Variants in JPH1 observed in about 807,000 individuals in gnomAD.
The protein encoded by JPH1 is junctophilin-1.
JPH1 carries 12 observed loss-of-function variants against 53.6 expected under a neutral mutation model. The observed-to-expected ratio is 0.22, with a 90% CI of 0.14 to 0.36. The LOEUF is 0.36. Among genes scored for constraint, JPH1 ranks in the 10% least tolerant of loss-of-function variants. JPH1 has a pLI of 1.00. For synonymous variants in JPH1, 375 were observed against 363.8 expected (o/e 1.03, Z -0.35); for missense variants, 808 against 905.5 (o/e 0.89, Z 1.38).
chr8:74,290,688 A>G (rs2131431840), intron 2 of JPH1, among the ~76,000 whole-genome samples: 1 of 152,346 alleles, frequency 6.6e-6, no homozygotes, highest in Non-Finnish European at 1.5e-5. Flanking sequence ...TCCTAAACCA[A>G]AAGAACAAAG....
At chr8:74,290,137 A>C (rs1807280894) in intron 2 of JPH1, among the ~76,000 whole-genome samples, 1 of 152,222 alleles carries the variant, frequency 6.6e-6, no homozygotes, top group Non-Finnish European at 1.5e-5. Flanking sequence ...GAGTGTTGGA[A>C]GTTCTGGCCA....
intron 2 of JPH1, among the ~76,000 whole-genome samples, chr8:74,265,303 T>C (rs1475950262): frequency 6.6e-6 from 1 of 152,164 alleles, no homozygotes; most frequent in Non-Finnish European, 1.5e-5. Context: ...CACCAGAACA[T>C]TTTTTAAGCT....
chr8:74,262,991 G>A (rs1222395039), intron 2 of JPH1, among the ~76,000 whole-genome samples: 1 of 152,180 alleles, frequency 6.6e-6, no homozygotes, highest in East Asian at 1.9e-4. Context: ...CTGAAATAGT[G>A]TTTTATGAGC....
rs1022653012 is a variant in JPH1 at position 74,265,533 on chromosome 8, T to G, written c.1140-6030A>C. Among the ~76,000 whole-genome samples the G allele has an allele frequency of 2.0e-5, 3 of 152,200 alleles. No homozygotes were observed. In the East Asian group the frequency reaches 5.8e-4, roughly 29 times the overall value. On this transcript the variant is annotated intron_variant, in intron 2 of 5. Transcript: ENST00000342232. ...TTACCTTCTCATGTTATTTATGGGT[T>G]GAGAAAAATCTGATGTAGAAATATT... is the stretch of plus-strand genomic sequence containing the variant.
intron 2 of JPH1, among the ~76,000 whole-genome samples, chr8:74,287,210 T>C (rs1807191490): frequency 6.6e-6 from 1 of 152,136 alleles, no homozygotes; most frequent in Non-Finnish European, 1.5e-5. Flanking sequence ...GGCGGGTGGA[T>C]CACCTGAGGT....
chr8:74,288,013 G>A (rs999671941), intron 2 of JPH1, among the ~76,000 whole-genome samples: 10 of 151,278 alleles, frequency 6.6e-5, no homozygotes, highest in Admixed American at 2.0e-4. Flanking sequence ...CACCAGTCTC[G>A]CTTTACTGCA....
chr8:74,258,205 TTTA>T (rs540244157), intron 3 of JPH1, among the ~76,000 whole-genome samples: 92 of 152,282 alleles, frequency 6.0e-4, no homozygotes, highest in Non-Finnish European at 1.1e-3. Context: ...TACAGCTTGA[TTTA>T]ATAAAAACCA....
intron 4 of JPH1, among the ~76,000 whole-genome samples, chr8:74,238,762 A>G (rs1805613616): frequency 6.6e-6 from 1 of 152,180 alleles, no homozygotes; most frequent in African/African-American, 2.4e-5. Flanking sequence ...GGTTCAAGCT[A>G]TCCTACCACT....
chr8:74,288,241 C>T (rs1380064398), intron 2 of JPH1, among the ~76,000 whole-genome samples: 1 of 152,194 alleles, frequency 6.6e-6, no homozygotes, highest in Non-Finnish European at 1.5e-5. Flanking sequence ...GTTTCATCTT[C>T]CCATCCTCCG....
intron 2 of JPH1, among the ~76,000 whole-genome samples, chr8:74,297,215 G>A (rs1266561662): frequency 6.6e-6 from 1 of 152,194 alleles, no homozygotes; most frequent in Non-Finnish European, 1.5e-5. Flanking sequence ...TTCTTTGCAG[G>A]AGCAGGGTTG....
intron 3 of JPH1, among the ~76,000 whole-genome samples, chr8:74,245,642 T>C (rs951247745): frequency 1.3e-5 from 2 of 152,192 alleles, no homozygotes; most frequent in African/African-American, 2.4e-5. Flanking sequence ...AACTTCCTAG[T>C]TTGAAACAAT....
intron 3 of JPH1, among the ~76,000 whole-genome samples, chr8:74,258,796 A>G (rs914860025): frequency 1.3e-5 from 2 of 152,226 alleles, no homozygotes; most frequent in African/African-American, 4.8e-5. Flanking sequence ...GTTTACTGCT[A>G]TCAGCTCAAA....
intron 2 of JPH1, among the ~76,000 whole-genome samples, chr8:74,261,537 G>A (rs1806395900): frequency 6.6e-6 from 1 of 152,164 alleles, no homozygotes; most frequent in South Asian, 2.1e-4. Flanking sequence ...ATAACATCAA[G>A]AGGGGAGGGA....
At chr8:74,299,000 C>T (rs1297625482) in intron 2 of JPH1, among the ~76,000 whole-genome samples, 3 of 152,210 alleles carry the variant, frequency 2.0e-5, no homozygotes, top group Admixed American at 2.0e-4. Context: ...TTACAAAAAG[C>T]CACGAAGACG....
chr8:74,265,856 TA>T (rs1806517002), intron 2 of JPH1, among the ~76,000 whole-genome samples: 2 of 151,664 alleles, frequency 1.3e-5, no homozygotes, highest in Non-Finnish European at 2.9e-5. Context: ...AATAAGCACT[TA>T]AAAAGACATT....
At chr8:74,283,430 C>A (rs1045930713) in intron 2 of JPH1, among the ~76,000 whole-genome samples, 4 of 151,878 alleles carry the variant, frequency 2.6e-5, no homozygotes, top group Non-Finnish European at 5.9e-5. Context: ...AAAGGGAGCA[C>A]AAGAGAGGGG....
intron 2 of JPH1, among the ~76,000 whole-genome samples, chr8:74,290,763 G>C (rs1299448797): frequency 1.8e-4 from 27 of 152,154 alleles, no homozygotes; most frequent in Admixed American, 1.8e-3. Flanking sequence ...AAACAGCATG[G>C]TACTGGTACC....
intron 2 of JPH1, among the ~76,000 whole-genome samples, chr8:74,311,765 G>A (rs1030522440): frequency 6.8e-6 from 1 of 147,432 alleles, no homozygotes; most frequent in African/African-American, 2.5e-5. Context: ...GTGAGAACAT[G>A]TGGTGTTTGG....
chr8:74,314,059 G>A (rs760461716), intron 2 of JPH1, among the ~76,000 whole-genome samples: 4 of 152,010 alleles, frequency 2.6e-5, no homozygotes, highest in Non-Finnish European at 5.9e-5. Flanking sequence ...ATTATTCACC[G>A]GTTTTCTCCT....
Sources: allele counts gnomAD v4.1 joint callset (sites outside exome capture counted in the v4.1 genomes callset), GRCh38; gene constraint gnomAD v4.1.1; transcripts MANE v1.5; gene names NCBI Gene and HGNC (gene_info 2026-07-23, HGNC 2026-07-21).